BICC1: variants seen among roughly 807,000 people sequenced by gnomAD.
The protein encoded by BICC1 is BicC family RNA binding protein 1, also known as protein bicaudal C homolog 1.
A neutral mutation model predicts 111.0 loss-of-function variants in BICC1; 43 were observed. The observed-to-expected ratio is 0.39, with a 90% CI of 0.30 to 0.50. The LOEUF is 0.50. BICC1 is among the 20% of genes least tolerant of loss of function. The probability of loss-of-function intolerance (pLI) is 0.88; values close to 1 mark genes in which losing one functional copy is unlikely to be tolerated. For missense variants in BICC1, 1,091 were observed against 1,203.2 expected (o/e 0.91, Z 1.38); for synonymous variants, 467 against 434.4 (o/e 1.07, Z -0.93).
chr10:58,653,137 C>T (rs1173513052), intron 2 of BICC1, among the ~76,000 whole-genome samples: 1 of 152,192 alleles, frequency 6.6e-6, no homozygotes, highest in African/African-American at 2.4e-5. Context: ...TTAAGTTACT[C>T]TAAAATATGA....
intron 2 of BICC1, among the ~76,000 whole-genome samples, chr10:58,687,258 C>T (rs1055033244): frequency 5.9e-5 from 9 of 152,220 alleles, no homozygotes; most frequent in Admixed American, 5.9e-4. Flanking sequence ...GGGCACCCGG[C>T]TGTATGACAT....
intron 3 of BICC1, among the ~76,000 whole-genome samples, chr10:58,720,970 T>G (rs1024785153): frequency 2.6e-5 from 4 of 152,164 alleles, no homozygotes; most frequent in African/African-American, 9.7e-5. Context: ...AGTGGACATC[T>G]CCCATGCATG....
At chr10:58,635,181 C>T (rs929153453) in intron 2 of BICC1, among the ~76,000 whole-genome samples, 9 of 152,134 alleles carry the variant, frequency 5.9e-5, no homozygotes, top group Admixed American at 1.3e-4. Flanking sequence ...TCTGCACTAT[C>T]TTAATAAATA....
intron 3 of BICC1, among the ~76,000 whole-genome samples, chr10:58,718,550 G>A (rs79327743): frequency 0.013 from 1,989 of 151,918 alleles, 38 homozygotes; most frequent in African/African-American, 0.046. Context: ...TTCCCTCCTC[G>A]CCACCAATGC....
At chr10:58,732,550 G>A (rs1237204954) in intron 3 of BICC1, among the ~76,000 whole-genome samples, 1 of 150,904 alleles carries the variant, frequency 6.6e-6, no homozygotes, top group African/African-American at 2.4e-5. Context: ...GGAGGCTGAG[G>A]CAGGAGGATT....
At chr10:58,662,536 G>A (rs959117314) in intron 2 of BICC1, among the ~76,000 whole-genome samples, 2 of 152,076 alleles carry the variant, frequency 1.3e-5, no homozygotes, top group African/African-American at 2.4e-5. Flanking sequence ...TGAATGTTGC[G>A]AAAGCTCTCG....
At chr10:58,602,392 A>G (rs77136737) in intron 1 of BICC1, among the ~76,000 whole-genome samples, 8 of 152,182 alleles carry the variant, frequency 5.3e-5, no homozygotes, top group Non-Finnish European at 1.0e-4. Flanking sequence ...TAGGCCAAAG[A>G]CTATTACCTA....
rs187810927 is a variant in BICC1, at chr10:58,552,364, C to G, written c.190+39031C>G. On this transcript the variant is annotated intron_variant, in intron 1 of 20. Transcript: ENST00000373886. ...TATTTATTTATTTTTGAGATGGAGT[C>G]TTGCACTGTCACGCAGGCTGGAGTG... is the stretch of plus-strand genomic sequence containing the variant. Among the ~76,000 whole-genome samples, 10 of 151,960 alleles carry G rather than the reference C, an allele frequency of 6.6e-5. No homozygotes were observed. The East Asian group carries it at 1.9e-3, about 29-fold the overall frequency.
intron 1 of BICC1, among the ~76,000 whole-genome samples, chr10:58,593,146 G>A (rs1365896617): frequency 6.6e-6 from 1 of 152,086 alleles, no homozygotes; most frequent in African/African-American, 2.4e-5. Context: ...CGAACTGGGT[G>A]GAGCCCACTG....
chr10:58,673,019 A>G lies in BICC1; in HGVS notation c.238-29055A>G, dbSNP rs185810994. Among the ~76,000 whole-genome samples, 7 of 152,312 alleles carry G rather than the reference A, an allele frequency of 4.6e-5. No individual in the cohort carries two copies. The East Asian group carries it at 1.2e-3, about 25-fold the overall frequency. ...GCCAAATCTAATTCTGCACTGTTGC[A>G]GATGAATGCAATCTTAGGACATCTG... On this transcript the variant is annotated intron_variant, in intron 2 of 20. Coordinates refer to ENST00000373886, the MANE Select transcript of BICC1 (RefSeq NM_001080512.3).
chr10:58,655,792 C>G (rs1201960852), intron 2 of BICC1, among the ~76,000 whole-genome samples: 1 of 139,968 alleles, frequency 7.1e-6, no homozygotes, highest in Non-Finnish European at 1.5e-5. Flanking sequence ...CCAGTTTTTG[C>G]CCATTCAGTA....
intron 3 of BICC1, among the ~76,000 whole-genome samples, chr10:58,769,372 ATGTATG>A (rs761025901): frequency 0.071 from 6,138 of 86,098 alleles, 189 homozygotes; most frequent in Middle Eastern, 0.1. Context: ...TAGTTTTATA[ATGTATG>A]TGTGTGTGTG....
At chr10:58,652,413 A>T (rs933480077) in intron 2 of BICC1, among the ~76,000 whole-genome samples, 8 of 152,084 alleles carry the variant, frequency 5.3e-5, no homozygotes, top group African/African-American at 1.9e-4. Context: ...CGTAAATCTG[A>T]ACATATAATA....
At chr10:58,677,248 C>T (rs1331434923) in intron 2 of BICC1, among the ~76,000 whole-genome samples, 1 of 152,150 alleles carries the variant, frequency 6.6e-6, no homozygotes, top group Non-Finnish European at 1.5e-5. Context: ...TAATAACAGA[C>T]TCCTCCAAGC....
chr10:58,522,560 G>A (rs1287928038), intron 1 of BICC1, among the ~76,000 whole-genome samples: 1 of 152,168 alleles, frequency 6.6e-6, no homozygotes, highest in African/African-American at 2.4e-5. Flanking sequence ...AAAGCAGTGT[G>A]TAGAGGGAAA....
chr10:58,565,373 C>T (rs1170039326), intron 1 of BICC1, among the ~76,000 whole-genome samples: 1 of 152,182 alleles, frequency 6.6e-6, no homozygotes. Flanking sequence ...TGAACAGATG[C>T]TGAGCAGAGC....
chr10:58,560,469 C>T (rs1004513713), intron 1 of BICC1, among the ~76,000 whole-genome samples: 1 of 150,912 alleles, frequency 6.6e-6, no homozygotes, highest in Non-Finnish European at 1.5e-5. Context: ...GTTAGTCTAT[C>T]TAGTGGTTTA....
intron 1 of BICC1, among the ~76,000 whole-genome samples, chr10:58,600,924 T>C (rs994680949): frequency 6.6e-6 from 1 of 151,858 alleles, no homozygotes; most frequent in Non-Finnish European, 1.5e-5. Flanking sequence ...AGGGTACTAG[T>C]AGCTAAGTTT....
At chr10:58,814,302 T>A in intron 18 of BICC1, 1 of 597,492 alleles carries the variant, frequency 1.7e-6, no homozygotes. Flanking sequence ...TTTATAAACA[T>A]TTATGAAGTG....
Sources: gnomAD v4.1 joint callset for allele counts (sites outside exome capture counted in the v4.1 genomes callset) on GRCh38, gnomAD v4.1.1 for gene constraint, MANE v1.5 for transcripts, NCBI Gene and HGNC (gene_info 2026-07-23, HGNC 2026-07-21) for gene names.